Variants in CSMD1 observed in about 807,000 individuals in gnomAD.
CSMD1 encodes the protein CUB and Sushi multiple domains 1.
CSMD1 carries 213 observed loss-of-function variants against 417.5 expected under a neutral mutation model. The ratio of observed to expected loss-of-function variants is 0.51; its 90% CI spans 0.46 to 0.57. The LOEUF (loss-of-function observed/expected upper bound fraction) is 0.57, where lower values mean the gene tolerates loss of function less well. Ranked by LOEUF, CSMD1 falls within the 20% of genes least tolerant of loss-of-function variation. CSMD1 has a pLI of 0.00. For missense variants in CSMD1, 6,923 were observed against 4,529.7 expected (o/e 1.53, Z -15.17); for synonymous variants, 2,862 against 1,736.8 (o/e 1.65, Z -16.11).
chr8:4,766,151 G>A (rs889721958), intron 1 of CSMD1, among the ~76,000 whole-genome samples: 1 of 152,148 alleles, frequency 6.6e-6, no homozygotes, highest in African/African-American at 2.4e-5. Context: ...AATGCTTTGT[G>A]TACTAGTCCT....
chr8:4,712,164 C>T (rs1289192034), intron 1 of CSMD1, among the ~76,000 whole-genome samples: 1 of 152,214 alleles, frequency 6.6e-6, no homozygotes, highest in Non-Finnish European at 1.5e-5. Flanking sequence ...TGAACCTCTT[C>T]TATTTCATTT....
intron 21 of CSMD1, among the ~76,000 whole-genome samples, chr8:3,354,152 G>C (rs1018841775): frequency 1.1e-4 from 17 of 152,262 alleles, no homozygotes; most frequent in Middle Eastern, 3.4e-3. Context: ...TTAAAAAGTA[G>C]GTGAAAATAT....
At chr8:3,761,178 C>A (rs2623735) in intron 5 of CSMD1, among the ~76,000 whole-genome samples, 1 of 152,138 alleles carries the variant, frequency 6.6e-6, no homozygotes, top group Non-Finnish European at 1.5e-5. Flanking sequence ...TTATTTTGGA[C>A]ATTAGGAAAA....
intron 3 of CSMD1, among the ~76,000 whole-genome samples, chr8:4,277,398 AG>A (rs1443944115): frequency 6.6e-6 from 1 of 152,126 alleles, no homozygotes; most frequent in East Asian, 1.9e-4. Context: ...GGCTTGACCC[AG>A]CCCCCATTTC....
chr8:3,645,215 C>A (rs1044144294), intron 7 of CSMD1, among the ~76,000 whole-genome samples: 1 of 152,136 alleles, frequency 6.6e-6, no homozygotes, highest in Non-Finnish European at 1.5e-5. Flanking sequence ...AACCAATGCA[C>A]AGTCCAAAGA....
chr8:4,248,537 G>T (rs1409460287), intron 3 of CSMD1, among the ~76,000 whole-genome samples: 1 of 152,156 alleles, frequency 6.6e-6, no homozygotes, highest in African/African-American at 2.4e-5. Flanking sequence ...TTTAGGTTTT[G>T]CCATAGACAC....
intron 3 of CSMD1, among the ~76,000 whole-genome samples, chr8:4,198,175 G>A (rs986333947): frequency 1.3e-5 from 2 of 152,178 alleles, no homozygotes; most frequent in Non-Finnish European, 2.9e-5. Flanking sequence ...GCATGATCAG[G>A]GGAGTCATTC....
At chr8:3,739,099 A>T (rs1796669282) in intron 6 of CSMD1, among the ~76,000 whole-genome samples, 1 of 152,110 alleles carries the variant, frequency 6.6e-6, no homozygotes, top group Non-Finnish European at 1.5e-5. Context: ...GTGGGGATTT[A>T]TTCTATAAGT....
Position 3,118,509 on chromosome 8 carries a change from T to G in CSMD1, c.6320A>C (p.Gln2107Pro). The G allele has an allele frequency of 1.9e-6, 3 of 1,613,918 alleles. No homozygotes were observed. Among genetic ancestry groups the G allele is most frequent in the Non-Finnish European group, 2.5e-6 (3 of 1,179,840 alleles). Residue 2107 changes from glutamine to proline, a missense_variant, in exon 42 of 70, where the codon CAA becomes CCA. Gln to Pro is a moderately conservative substitution (Grantham distance 76, BLOSUM62 -1). Transcript: ENST00000635120. ...YMINSDYSVG[Q>P]SVSFECYPGY... ...AGGATAACACTCGAAAGATACTGAT[T>G]GCCCCACGCTGTAATCCGAGTTGAT...
intron 2 of CSMD1, among the ~76,000 whole-genome samples, chr8:4,603,484 A>G (rs534623015): frequency 5.9e-5 from 9 of 152,306 alleles, no homozygotes; most frequent in African/African-American, 2.2e-4. Flanking sequence ...TCCATAAATA[A>G]TAAAGGTAAG....
intron 10 of CSMD1, among the ~76,000 whole-genome samples, chr8:3,494,403 C>T (rs556442954): frequency 6.6e-6 from 1 of 151,588 alleles, no homozygotes; most frequent in East Asian, 1.9e-4. Context: ...CTTTGGTGGC[C>T]AATACTATGA....
intron 12 of CSMD1, among the ~76,000 whole-genome samples, chr8:3,467,174 A>T (rs1470152454): frequency 6.6e-6 from 1 of 152,198 alleles, no homozygotes; most frequent in Non-Finnish European, 1.5e-5. Context: ...AAGAATGTTT[A>T]CCTTTTATTG....
chr8:3,258,144 G>A (rs958163689), intron 26 of CSMD1, among the ~76,000 whole-genome samples: 9 of 152,206 alleles, frequency 5.9e-5, no homozygotes, highest in Non-Finnish European at 1.2e-4. Flanking sequence ...ATATGAGAAT[G>A]AACAGGGTAA....
intron 10 of CSMD1, among the ~76,000 whole-genome samples, chr8:3,512,446 G>C (rs1392353345): frequency 6.6e-6 from 1 of 152,014 alleles, no homozygotes; most frequent in Non-Finnish European, 1.5e-5. Context: ...TTGTAATCCT[G>C]AGCAATGTGC....
chr8:3,301,822 C>G (rs774520422), intron 25 of CSMD1, among the ~76,000 whole-genome samples: 1 of 151,998 alleles, frequency 6.6e-6, no homozygotes, highest in Non-Finnish European at 1.5e-5. Flanking sequence ...TTGGGAAGGT[C>G]AGTTGAGAGA....
At chr8:4,201,039 C>G (rs1225915847) in intron 3 of CSMD1, among the ~76,000 whole-genome samples, 1 of 152,126 alleles carries the variant, frequency 6.6e-6, no homozygotes, top group East Asian at 1.9e-4. Flanking sequence ...ACTACAGAGA[C>G]GAATTCAAAC....
At chr8:4,658,856 TG>T (rs1257434054) in intron 1 of CSMD1, among the ~76,000 whole-genome samples, 1 of 152,142 alleles carries the variant, frequency 6.6e-6, no homozygotes, top group African/African-American at 2.4e-5. Flanking sequence ...GAACATGGTC[TG>T]GGGTTGGGAG....
intron 3 of CSMD1, among the ~76,000 whole-genome samples, chr8:4,111,144 T>G (rs1801833475): frequency 6.6e-6 from 1 of 152,174 alleles, no homozygotes; most frequent in African/African-American, 2.4e-5. Context: ...GTTCGTACAC[T>G]CTAATGATTT....
chr8:3,020,955 T>A (rs1809320694), intron 51 of CSMD1, among the ~76,000 whole-genome samples: 1 of 152,248 alleles, frequency 6.6e-6, no homozygotes, highest in South Asian at 2.1e-4. Flanking sequence ...CAATTTGTTA[T>A]AAACTTTTCA....
Sources: allele counts gnomAD v4.1 joint callset (sites outside exome capture counted in the v4.1 genomes callset), GRCh38; gene constraint gnomAD v4.1.1; transcripts MANE v1.5; gene names NCBI Gene and HGNC (gene_info 2026-07-23, HGNC 2026-07-21).